Variants in ADAMTS2 observed in about 807,000 individuals in gnomAD.
ADAMTS2 encodes A disintegrin and metalloproteinase with thrombospondin motifs 2.
ADAMTS2 carries 50 observed loss-of-function variants against 123.0 expected under a neutral mutation model. The ratio of observed to expected loss-of-function variants is 0.41; its 90% CI spans 0.32 to 0.51. The LOEUF (loss-of-function observed/expected upper bound fraction) is 0.51. Ranked by LOEUF, ADAMTS2 falls within the 20% of genes least tolerant of loss-of-function variation. The probability of loss-of-function intolerance (pLI) is 0.35; values close to 1 mark genes in which losing one functional copy is unlikely to be tolerated. For synonymous variants in ADAMTS2, 678 were observed against 695.4 expected (o/e 0.98, Z 0.39); for missense variants, 1,494 against 1,705.2 (o/e 0.88, Z 2.18).
intron 13 of ADAMTS2, among the ~76,000 whole-genome samples, chr5:179,133,678 CCTG>C (rs1311355673): frequency 6.6e-6 from 1 of 151,992 alleles, no homozygotes; most frequent in Non-Finnish European, 1.5e-5. Context: ...AATTGAGCAA[CCTG>C]CTATTACCTG....
intron 3 of ADAMTS2, among the ~76,000 whole-genome samples, chr5:179,268,266 C>T (rs1018213698): frequency 6.6e-6 from 1 of 152,240 alleles, no homozygotes; most frequent in Non-Finnish European, 1.5e-5. Context: ...GCTGCATTCC[C>T]ACTGCTGTTT....
At chr5:179,302,899 T>C (rs2113562873) in intron 2 of ADAMTS2, among the ~76,000 whole-genome samples, 1 of 128,684 alleles carries the variant, frequency 7.8e-6, no homozygotes, top group Admixed American at 8.4e-5. Context: ...AGAAGGCCAA[T>C]GTGAGTGGAG....
intron 4 of ADAMTS2, among the ~76,000 whole-genome samples, chr5:179,195,145 C>A (rs1004577544): frequency 6.6e-6 from 1 of 152,216 alleles, no homozygotes; most frequent in Non-Finnish European, 1.5e-5. Flanking sequence ...TCCCCATACT[C>A]CTGTGCTCTG....
rs1354209156 is a variant in ADAMTS2 at position 179,180,294 on chromosome 5, C to T, written c.975+778G>A. 2.0e-5 allele frequency among the ~76,000 whole-genome samples: 3 copies of T among 152,190 alleles called. No homozygotes were observed. The highest frequency in any genetic ancestry group is 4.4e-5 in the Non-Finnish European group (3 of 68,044). ...ACCCATGCACACCGCCAGGAAAGGA[C>T]GTCCCAGGTTTGGCTGCAAGAGGAA... On this transcript the variant is annotated intron_variant, in intron 5 of 21. Transcript: ENST00000251582. The surrounding 1 kb of genome is among the most constrained non-coding windows in gnomAD (Gnocchi z 4.6).
intron 2 of ADAMTS2, among the ~76,000 whole-genome samples, chr5:179,340,173 G>A (rs1457717389): frequency 6.6e-6 from 1 of 152,380 alleles, no homozygotes; most frequent in African/African-American, 2.4e-5. Flanking sequence ...TTGGGCCCCA[G>A]GATTGGACCA....
At chr5:179,136,095 T>G in intron 12 of ADAMTS2, 53 bp from the exon 13 acceptor site, 1 of 1,612,646 alleles carries the variant, frequency 6.2e-7, no homozygotes, top group Non-Finnish European at 8.5e-7. Flanking sequence ...CTTCCCCATG[T>G]GTGTGCAAAG....
chr5:179,122,968 G>A, intron 19 of ADAMTS2, 195 bp from the exon 20 acceptor site: 1 of 737,774 alleles, frequency 1.4e-6, no homozygotes, highest in South Asian at 1.7e-5. Flanking sequence ...CTCTAAAGAA[G>A]GGACCCACAT....
intron 4 of ADAMTS2, among the ~76,000 whole-genome samples, chr5:179,204,282 CCA>C (rs201776291): frequency 0.22 from 34,007 of 152,152 alleles, 4,297 homozygotes; most frequent in East Asian, 0.57. Flanking sequence ...GGTGGCCCAG[CCA>C]CATGAATGTG....
At chr5:179,195,080 G>A (rs375820859) in intron 4 of ADAMTS2, among the ~76,000 whole-genome samples, 4 of 152,106 alleles carry the variant, frequency 2.6e-5, no homozygotes, top group South Asian at 2.1e-4. Context: ...CTGACCAGCC[G>A]CCCCAGGCAC....
At position 179,288,133 on chromosome 5, in the gene ADAMTS2, T is replaced by G. The variant is rs377370911; in HGVS notation, c.535-15069A>C. Among the ~76,000 whole-genome samples, 17 of 152,322 alleles carry G rather than the reference T, an allele frequency of 1.1e-4. No homozygotes were observed. The East Asian group carries it at 2.1e-3, about 19-fold the overall frequency. ...ACAGGCTGTCATCTCCCCGGGTCCC[T>G]GGGCCACAGGCCCCTCTCAGGACCC... On this transcript the variant is annotated intron_variant, in intron 2 of 21. Coordinates refer to ENST00000251582, the MANE Select transcript of ADAMTS2 (RefSeq NM_014244.5).
chr5:179,332,061 T>C lies in ADAMTS2; in HGVS notation c.534+11706A>G, dbSNP rs1281305536. Among the ~76,000 whole-genome samples, 1 of 152,244 alleles carries C rather than the reference T, an allele frequency of 6.6e-6. No homozygotes were observed. The highest frequency in any genetic ancestry group is 2.4e-5 in the African/African-American group (1 of 41,466). ...CCCACAACTCCCTCCTCAGGTTCTG[T>C]AATTTGCTATTAGGTTGGTGCAAAA... On this transcript the variant is annotated intron_variant, in intron 2 of 21. Transcript: ENST00000251582. This position sits in a 1 kb window ranked among gnomAD's most constrained non-coding sequence, Gnocchi z 4.2.
intron 4 of ADAMTS2, among the ~76,000 whole-genome samples, chr5:179,182,853 G>T (rs916638434): frequency 6.6e-6 from 1 of 152,106 alleles, no homozygotes; most frequent in Non-Finnish European, 1.5e-5. Flanking sequence ...GGCGCTGAGG[G>T]TTATCCTCTA....
chr5:179,113,644 C>A lies in ADAMTS2; in HGVS notation c.*223G>T. 1.7e-6 allele frequency: 1 copy of A among 586,242 alleles called. No homozygotes were observed. Among genetic ancestry groups the A allele is most frequent in the Non-Finnish European group, 3.0e-6 (1 of 330,430 alleles). The allele number at this position is 586,242 out of a possible 1,614,324, so 36.3% of individuals were successfully genotyped here. On this transcript the variant is annotated 3_prime_UTR_variant, in exon 22 of 22. Coordinates refer to ENST00000251582, the MANE Select transcript of ADAMTS2 (RefSeq NM_014244.5). ...ATATTCCTCTCCACTGCACACCTGA[C>A]GCCACCACAGTATTTGGTCGCTCCT...
In ADAMTS2 at chr5:179,158,908, G is replaced by A. The variant is rs1453837480; in HGVS notation, c.976-29C>T. On this transcript the variant is annotated intron_variant, in intron 5 of 21. Transcript: ENST00000251582. The surrounding 1 kb of genome is among the most constrained non-coding windows in gnomAD (Gnocchi z 5.0). ...CAGGGGGATGGAGAGAAATGGAAGA[G>A]AGAGGTTGGCGCCTGGTGGCCCAGT... 4 of 1,612,170 alleles carry A rather than the reference G, an allele frequency of 2.5e-6. No individual in the cohort carries two copies. The highest frequency in any genetic ancestry group is 1.3e-5 in the African/African-American group (1 of 74,922).
intron 13 of ADAMTS2, among the ~76,000 whole-genome samples, chr5:179,133,154 C>T (rs73344614): frequency 9.1e-4 from 138 of 152,300 alleles, no homozygotes; most frequent in African/African-American, 3.0e-3. Context: ...TGGCAGTTTC[C>T]GTCTGGGCCC....
chr5:179,175,089 G>T lies in ADAMTS2; in HGVS notation c.975+5983C>A, dbSNP rs1763903257. 6.7e-6 allele frequency among the ~76,000 whole-genome samples: 1 copy of T among 148,904 alleles called. No individual in the cohort carries two copies. The highest frequency in any genetic ancestry group is 2.5e-5 in the African/African-American group (1 of 39,808). Reference sequence around the variant, plus strand: ...TTGGAGGAAGTCTCTTCCTTGCTTGGGTTCCGCAGCTGTCTCAGCCATTCT... The same window carrying T: ...TTGGAGGAAGTCTCTTCCTTGCTTGTGTTCCGCAGCTGTCTCAGCCATTCT... On this transcript the variant is annotated intron_variant, in intron 5 of 21. Transcript: ENST00000251582. The surrounding 1 kb of genome is among the most constrained non-coding windows in gnomAD (Gnocchi z 4.1).
Position 179,202,031 on chromosome 5 carries a change from G to T in ADAMTS2, c.891+5482C>A, listed in dbSNP as rs1285273041. The stretch of plus-strand genomic sequence containing the variant: ...GCCGCTTCCCTTCTGGCAAGTCTGA[G>T]ATGAAAAGGGCAGCTTCATCTTTCC... On this transcript the variant is annotated intron_variant, in intron 4 of 21. Coordinates refer to ENST00000251582, the MANE Select transcript of ADAMTS2 (RefSeq NM_014244.5). The surrounding 1 kb of genome is among the most constrained non-coding windows in gnomAD (Gnocchi z 4.0). 6.6e-6 allele frequency among the ~76,000 whole-genome samples: 1 copy of T among 152,162 alleles called. No homozygotes were observed. The highest frequency in any genetic ancestry group is 1.5e-5 in the Non-Finnish European group (1 of 68,020).
chr5:179,181,753 A>C lies in ADAMTS2; in HGVS notation c.892-598T>G, dbSNP rs1421380076. 5.3e-5 allele frequency among the ~76,000 whole-genome samples: 8 copies of C among 152,166 alleles called. No homozygotes were observed. Among genetic ancestry groups the C allele is most frequent in the African/African-American group, 1.9e-4 (8 of 41,428 alleles). ...TCCTGCAGTCGCCGTCTCTGTATTT[A>C]TCACAATCATATTCTTACACGTGTT... On this transcript the variant is annotated intron_variant, in intron 4 of 21. Coordinates refer to ENST00000251582, the MANE Select transcript of ADAMTS2 (RefSeq NM_014244.5). This position sits in a 1 kb window ranked among gnomAD's most constrained non-coding sequence, Gnocchi z 4.1.
intron 3 of ADAMTS2, among the ~76,000 whole-genome samples, chr5:179,216,813 T>C (rs551644207): frequency 2.6e-5 from 4 of 152,350 alleles, no homozygotes; most frequent in African/African-American, 7.2e-5. Context: ...ATACAGTGAA[T>C]AAAATTAGTA....
Sources: allele counts gnomAD v4.1 joint callset (sites outside exome capture counted in the v4.1 genomes callset), GRCh38; gene constraint gnomAD v4.1.1; non-coding constraint Gnocchi (gnomAD v3.1); transcripts MANE v1.5; gene names NCBI Gene and HGNC (gene_info 2026-07-23, HGNC 2026-07-21).